Variants in DGKI observed in about 807,000 individuals in gnomAD.
The protein encoded by DGKI is DAG kinase iota.
A neutral mutation model predicts 147.5 loss-of-function variants in DGKI; 55 were observed. That is an observed-to-expected ratio of 0.37 (90% confidence interval 0.30 to 0.47). The LOEUF (loss-of-function observed/expected upper bound fraction) is 0.47, where lower values mean the gene tolerates loss of function less well. DGKI is among the 20% of genes least tolerant of loss of function. The pLI, the probability that DGKI is intolerant of heterozygous loss-of-function variation, is 1.00. For synonymous variants in DGKI, 469 were observed against 477.1 expected, an observed-to-expected ratio of 0.98 and a Z score of 0.22; for missense variants, 1,007 against 1,323.8, an observed-to-expected ratio of 0.76 and a Z score of 3.71.
chr7:137,671,095 T>C (rs564502458), intron 3 of DGKI, among the ~76,000 whole-genome samples: 1 of 152,332 alleles, frequency 6.6e-6, no homozygotes, highest in African/African-American at 2.4e-5. Context: ...AAGGTGTAAC[T>C]GGGCTCAAAA....
In DGKI at chr7:137,397,377, G is replaced by A. The variant is rs779014558; in HGVS notation, c.2957C>T (p.Thr986Met). 34 of 1,612,960 alleles carry A rather than the reference G, an allele frequency of 2.1e-5. No homozygotes were observed. The highest frequency in any genetic ancestry group is 1.3e-4 in the South Asian group (12 of 90,866). The change falls in exon 31 of 33, where the codon ACG becomes ATG. Residue 986 changes from threonine to methionine, a missense_variant and splice_region_variant. Coordinates refer to ENST00000614521, the MANE Select transcript of DGKI (RefSeq NM_001321708.2). ...SELLDMADSE[T>M]GETALHKAAC... is the part of the protein sequence containing the mutation. Reference sequence around the variant, plus strand: ...CTATGTAATAAAAGGCAACACTCACGTTTCACTGTCTGCCATATCCAATAA... The same window carrying A: ...CTATGTAATAAAAGGCAACACTCACATTTCACTGTCTGCCATATCCAATAA...
chr7:137,705,327 A>G (rs566379776), intron 1 of DGKI, among the ~76,000 whole-genome samples: 14 of 152,098 alleles, frequency 9.2e-5, no homozygotes, highest in Non-Finnish European at 1.8e-4. Flanking sequence ...TCAACTGTCC[A>G]GCAATAGGAG....
intron 27 of DGKI, among the ~76,000 whole-genome samples, chr7:137,449,540 G>T (rs1013807512): frequency 1.1e-4 from 17 of 152,106 alleles, no homozygotes; most frequent in African/African-American, 4.1e-4. Context: ...ACTGCTAGAA[G>T]AAAACAGAAA....
At chr7:137,788,421 C>T (rs1796738561) in intron 1 of DGKI, among the ~76,000 whole-genome samples, 1 of 151,806 alleles carries the variant, frequency 6.6e-6, no homozygotes, top group Non-Finnish European at 1.5e-5. Context: ...CACTCAATTG[C>T]TCCTCCTTCT....
intron 20 of DGKI, among the ~76,000 whole-genome samples, chr7:137,532,669 T>C (rs1419541532): frequency 6.6e-6 from 1 of 152,164 alleles, no homozygotes; most frequent in African/African-American, 2.4e-5. Flanking sequence ...AGGTTTCTTG[T>C]CGGAAATCCA....
rs891486391 is a variant in DGKI, at chr7:137,659,756, G to C, written c.607-3216C>G. Among the ~76,000 whole-genome samples, 102 of 152,188 alleles carry C rather than the reference G, an allele frequency of 6.7e-4. 1 individual carries two copies. The highest frequency in any genetic ancestry group is 3.4e-3 in the Middle Eastern group (1 of 294). ...GACCATCCTGGCTAACACAGTGAAA[G>C]CTCGTCTCTACTAAAAATACAAAAA... is the stretch of plus-strand genomic sequence containing the variant. On this transcript the variant is annotated intron_variant, in intron 3 of 32. Coordinates refer to ENST00000614521, the MANE Select transcript of DGKI (RefSeq NM_001321708.2).
chr7:137,572,178 C>T (rs1818816156), intron 18 of DGKI, among the ~76,000 whole-genome samples: 1 of 152,196 alleles, frequency 6.6e-6, no homozygotes, highest in African/African-American at 2.4e-5. Flanking sequence ...CTTCCAAAAT[C>T]TTGGCTTCAG....
intron 32 of DGKI, among the ~76,000 whole-genome samples, chr7:137,394,472 G>A (rs961350873): frequency 3.3e-5 from 5 of 152,080 alleles, no homozygotes; most frequent in African/African-American, 9.7e-5. Flanking sequence ...CTTATAGGCT[G>A]AGCCCTGGTT....
intron 1 of DGKI, among the ~76,000 whole-genome samples, chr7:137,740,935 C>G (rs78142311): frequency 6.6e-6 from 1 of 152,134 alleles, no homozygotes; most frequent in Admixed American, 6.6e-5. Context: ...TCCTGTCACA[C>G]GCTGAGTAAC....
intron 1 of DGKI, among the ~76,000 whole-genome samples, chr7:137,785,986 C>G (rs187052970): frequency 6.6e-6 from 1 of 152,206 alleles, no homozygotes; most frequent in African/African-American, 2.4e-5. Context: ...GGAATAAAAG[C>G]CATCCAAGAC....
Position 137,756,712 on chromosome 7 carries a change from T to C in DGKI, c.402-66710A>G, listed in dbSNP as rs374309798. Among the ~76,000 whole-genome samples the C allele has an allele frequency of 5.2e-3, 789 of 152,204 alleles. 3 individuals are homozygous for C. Among genetic ancestry groups the C allele is most frequent in the Middle Eastern group, 0.01 (3 of 294 alleles). On this transcript the variant is annotated intron_variant, in intron 1 of 32. Coordinates refer to ENST00000614521, the MANE Select transcript of DGKI (RefSeq NM_001321708.2). ...AAGACTAAGTATTTTGACTTGTGGG[T>C]TTAAAAAAAAAATTAGTTCCAATTT...
chr7:137,399,238 T>C (rs2128895120), intron 30 of DGKI, among the ~76,000 whole-genome samples: 1 of 152,306 alleles, frequency 6.6e-6, no homozygotes, highest in African/African-American at 2.4e-5. Flanking sequence ...TATTTGCTTT[T>C]TGAATGCATG....
intron 1 of DGKI, among the ~76,000 whole-genome samples, chr7:137,785,507 C>T (rs143936998): frequency 7.2e-5 from 11 of 151,754 alleles, no homozygotes; most frequent in Non-Finnish European, 1.3e-4. Context: ...AAAAAAAGTC[C>T]AGGACCAGAC....
intron 1 of DGKI, among the ~76,000 whole-genome samples, chr7:137,811,380 TCTCTCA>T (rs1434640085): frequency 4.8e-5 from 5 of 103,966 alleles, no homozygotes; most frequent in Admixed American, 2.2e-4. Flanking sequence ...TCTCTCTCTC[TCTCTCA>T]CACACACACA....
At chr7:137,495,044 G>A (rs1815911095) in intron 21 of DGKI, among the ~76,000 whole-genome samples, 3 of 151,908 alleles carry the variant, frequency 2.0e-5, no homozygotes, top group Admixed American at 2.0e-4. Context: ...GATCAAAAAA[G>A]ACAAAGAACA....
chr7:137,578,170 T>G, intron 16 of DGKI, 100 bp downstream of exon 16: 2 of 765,304 alleles, frequency 2.6e-6, no homozygotes, highest in Non-Finnish European at 2.3e-6. Flanking sequence ...ATAAATGAGA[T>G]GTATATGTGA....
At chr7:137,666,361 T>A (rs1343393302) in intron 3 of DGKI, among the ~76,000 whole-genome samples, 1 of 152,138 alleles carries the variant, frequency 6.6e-6, no homozygotes, top group Non-Finnish European at 1.5e-5. Context: ...CAGGATCACA[T>A]CGCCACATTC....
At chr7:137,566,115 A>C (rs1287053998) in intron 19 of DGKI, among the ~76,000 whole-genome samples, 1 of 152,096 alleles carries the variant, frequency 6.6e-6, no homozygotes, top group East Asian at 1.9e-4. Flanking sequence ...CACACATATA[A>C]ATTTCTAAGA....
intron 28 of DGKI, among the ~76,000 whole-genome samples, chr7:137,438,268 A>T (rs1813358482): frequency 6.6e-6 from 1 of 152,146 alleles, no homozygotes; most frequent in Non-Finnish European, 1.5e-5. Context: ...TGAGTAAAAG[A>T]AATAAAAAGA....
Sources: allele counts gnomAD v4.1 joint callset (sites outside exome capture counted in the v4.1 genomes callset), GRCh38; gene constraint gnomAD v4.1.1; transcripts MANE v1.5; gene names NCBI Gene and HGNC (gene_info 2026-07-23, HGNC 2026-07-21).